Variants in ISLR observed in about 807,000 individuals in gnomAD.
ISLR encodes immunoglobulin superfamily containing leucine rich repeat, also known as immunoglobulin superfamily containing leucine-rich repeat protein.
Under a neutral mutation model 11.0 loss-of-function variants are expected in ISLR, and 9 were observed. The ratio of observed to expected loss-of-function variants is 0.82; its 90% CI spans 0.49 to 1.43. ISLR has a LOEUF of 1.43. ISLR is among the 40% of genes most tolerant of loss of function. ISLR has a pLI of 0.00. For missense variants in ISLR, 510 were observed against 576.4 expected, an observed-to-expected ratio of 0.88 and a Z score of 1.18; for synonymous variants, 262 against 264.1, an observed-to-expected ratio of 0.99 and a Z score of 0.08.
chr15:74,174,753 G>T, intron 1 of ISLR, 98 bp from the exon 2 acceptor site: 1 of 911,438 alleles, frequency 1.1e-6, no homozygotes, highest in South Asian at 1.9e-5. Context: ...GTGGGACAGG[G>T]CCTCCTGATG....
Position 74,175,246 on chromosome 15 carries a change from G to C in ISLR, c.388G>C (p.Asp130His). The C allele has an allele frequency of 1.2e-6, 2 of 1,613,302 alleles. No individual in the cohort carries two copies. The highest frequency in any genetic ancestry group is 1.7e-6 in the Non-Finnish European group (2 of 1,180,006). ...NLSALQLLKM[D>H]SNELTFIPRD... ...CAGTGCCCTCCAATTGCTCAAGATGGACAGCAACGAGCTGACCTTCATCCC... is the reference window on the plus strand; with the variant it reads ...CAGTGCCCTCCAATTGCTCAAGATGCACAGCAACGAGCTGACCTTCATCCC... Residue 130 changes from aspartate to histidine, a missense_variant, in exon 2 of 2, where the codon GAC becomes CAC. Coordinates refer to ENST00000249842, the MANE Select transcript of ISLR (RefSeq NM_005545.4). The surrounding 1 kb of genome is among the most constrained non-coding windows in gnomAD (Gnocchi z 4.7).
Position 74,175,200 on chromosome 15 carries a change from C to T in ISLR, c.342C>T (p.Ala114=). ...GCCACAATCTCATCTCTGACTTTGC[C>T]TGGAGCGACCTGCACAACCTCAGTG... ...DLSHNLISDF[A]WSDLHNLSAL... The change falls in exon 2 of 2, where the codon GCC becomes GCT. Residue 114 remains alanine (A), a synonymous_variant. Transcript: ENST00000249842. This position sits in a 1 kb window ranked among gnomAD's most constrained non-coding sequence, Gnocchi z 4.7. 1 of 1,613,470 alleles carries T rather than the reference C, an allele frequency of 6.2e-7. No homozygotes were observed. Among genetic ancestry groups the T allele is most frequent in the Non-Finnish European group, 8.5e-7 (1 of 1,180,018 alleles).
At position 74,174,902 on chromosome 15, in the gene ISLR, T is replaced by C. The variant is rs2072773347; in HGVS notation, c.44T>C (p.Leu15Pro). 1 of 1,555,074 alleles carries C rather than the reference T, an allele frequency of 6.4e-7. No individual in the cohort carries two copies. The highest frequency in any genetic ancestry group is 2.1e-5 in the Admixed American group (1 of 48,462). The change falls in exon 2 of 2, where the codon CTG becomes CCG. Residue 15 changes from leucine (L) to proline (P), a missense_variant. By Grantham distance (98) the Leu-to-Pro change is moderately conservative (BLOSUM62 -3). Transcript: ENST00000249842. ...HLLWWALLLG[L>P]AQACPEPCDC... ...CTCTGGTGGGCGCTTCTCCTGGGCC[T>C]GGCTCAGGCCTGCCCTGAGCCCTGC...
In ISLR at chr15:74,175,417, G is replaced by T. The variant is rs1171148538; in HGVS notation, c.559G>T (p.Gly187Cys). Residue 187 changes from glycine to cysteine, a missense_variant, in exon 2 of 2, where the codon GGC (glycine) becomes TGC (cysteine). Transcript: ENST00000249842. The surrounding 1 kb of genome is among the most constrained non-coding windows in gnomAD (Gnocchi z 4.7). ...INENPFDCTC[G>C]IVWLKTWALT... Reference sequence around the variant, plus strand: ...CGAGAACCCCTTCGACTGCACCTGCGGCATCGTGTGGCTCAAGACATGGGC... The same window carrying T: ...CGAGAACCCCTTCGACTGCACCTGCTGCATCGTGTGGCTCAAGACATGGGC... 6.2e-7 allele frequency: 1 copy of T among 1,612,142 alleles called. No individual in the cohort carries two copies. Among genetic ancestry groups the T allele is most frequent in the Non-Finnish European group, 8.5e-7 (1 of 1,179,996 alleles).
At chr15:74,174,824 C>G in intron 1 of ISLR, 27 bp from the exon 2 acceptor site, 1 of 1,494,002 alleles carries the variant, frequency 6.7e-7, no homozygotes, top group Non-Finnish European at 8.9e-7. Flanking sequence ...TCTCGGGATC[C>G]CCTGGGTGAC....
intron 1 of ISLR, chr15:74,174,553 T>C (rs953332039): frequency 1.9e-5 from 6 of 316,872 alleles, no homozygotes; most frequent in Non-Finnish European, 3.5e-5. Flanking sequence ...AGTCATAAAG[T>C]CAGCTAGGAA....
In ISLR at chr15:74,176,122, T is replaced by TGA. The variant is rs1595815209; in HGVS notation, c.1264_1265insGA (p.Phe422Ter). ...CCTGCTGGGCCAAAGCCTCCTCCTC[T>TGA]TCTTCTTCCTCACCTCCTTCTAGCC... ...LLLLGQSLLL[F>*]FFLTSF Residue 422 changes from phenylalanine (F) to a stop codon, truncating the protein, a stop_gained and frameshift_variant, in exon 2 of 2, where the codon TTC (phenylalanine) becomes TGATC (stop). Transcript: ENST00000249842. LOFTEE classifies it high-confidence loss of function. 6.4e-7 allele frequency: 1 copy of TGA among 1,559,270 alleles called. No homozygotes were observed. Among genetic ancestry groups the TGA allele is most frequent in the Middle Eastern group, 1.7e-4 (1 of 5,774 alleles).
rs776782168 is a variant in ISLR at position 74,175,122 on chromosome 15, G to A, written c.264G>A (p.Thr88=). ...GGCTGGCACACAATGAGATCCGCAC[G>A]GTGGCCGCCGGAGCCCTGGCCTCTC... ...SLWLAHNEIR[T]VAAGALASLS... Residue 88 remains threonine, a synonymous_variant, in exon 2 of 2, where the codon ACG becomes ACA. Coordinates refer to ENST00000249842, the MANE Select transcript of ISLR (RefSeq NM_005545.4). This position sits in a 1 kb window ranked among gnomAD's most constrained non-coding sequence, Gnocchi z 4.7. The A allele has an allele frequency of 5.2e-5, 83 of 1,610,514 alleles. No homozygotes were observed. Among genetic ancestry groups the A allele is most frequent in the Non-Finnish European group, 6.9e-5 (82 of 1,179,980 alleles).
rs774954559 is a variant in ISLR at position 74,176,118 on chromosome 15, C to A, written c.1260C>A (p.Leu420=). 1 of 1,564,026 alleles carries A rather than the reference C, an allele frequency of 6.4e-7. No homozygotes were observed. The highest frequency in any genetic ancestry group is 2.3e-5 in the East Asian group (1 of 44,392). ...PGLLLLGQSL[L]LFFFLTSF ...TGCTCCTGCTGGGCCAAAGCCTCCTCCTCTTCTTCTTCCTCACCTCCTTCT... is the reference window on the plus strand; with the variant it reads ...TGCTCCTGCTGGGCCAAAGCCTCCTACTCTTCTTCTTCCTCACCTCCTTCT... The change falls in exon 2 of 2, where the codon CTC becomes CTA. Residue 420 remains leucine (L), a synonymous_variant. Transcript: ENST00000249842.
rs369708223 is a variant in ISLR, at chr15:74,175,528, C to G, written c.670C>G (p.Leu224Val). 3 of 1,610,064 alleles carry G rather than the reference C, an allele frequency of 1.9e-6. No homozygotes were observed. The highest frequency in any genetic ancestry group is 1.3e-5 in the African/African-American group (1 of 74,924). Residue 224 changes from leucine (L) to valine (V), a missense_variant, in exon 2 of 2, where the codon CTG becomes GTG. Transcript: ENST00000249842. The surrounding 1 kb of genome is among the most constrained non-coding windows in gnomAD (Gnocchi z 4.7). ...HVLKGTPLSR[L>V]PPLPCSAPSV... ...GCTCAAGGGTACGCCGCTGAGCCGC[C>G]TGCCGCCACTGCCATGCTCGGCGCC...
rs1273396735 is a variant in ISLR, at chr15:74,176,072, C to A, written c.1214C>A (p.Pro405His). The A allele has an allele frequency of 6.2e-7, 1 of 1,607,486 alleles. No individual in the cohort carries two copies. The highest frequency in any genetic ancestry group is 8.5e-7 in the Non-Finnish European group (1 of 1,176,368). The change falls in exon 2 of 2, where the codon CCT becomes CAT. Residue 405 changes from proline to histidine, a missense_variant. Coordinates refer to ENST00000249842, the MANE Select transcript of ISLR (RefSeq NM_005545.4). ...NPEAAVAEGV[P>H]GQLPPGLLLL... is the part of the protein sequence containing the mutation. ...GAGGCTGCAGTCGCAGAAGGGGTCC[C>A]TGGGCAGCTGCCCCCAGGCCTGCTC...
At position 74,175,213 on chromosome 15, in the gene ISLR, C is replaced by A; in HGVS notation, c.355C>A (p.His119Asn). 1.9e-6 allele frequency: 3 copies of A among 1,613,532 alleles called. No individual in the cohort carries two copies. The highest frequency in any genetic ancestry group is 1.7e-6 in the Non-Finnish European group (2 of 1,180,010). Residue 119 changes from histidine to asparagine, a missense_variant, in exon 2 of 2, where the codon CAC (histidine) becomes AAC (asparagine). His to Asn is a moderately conservative substitution (Grantham distance 68). Transcript: ENST00000249842. This position sits in a 1 kb window ranked among gnomAD's most constrained non-coding sequence, Gnocchi z 4.7. ...LISDFAWSDL[H>N]NLSALQLLKM... ...CTCTGACTTTGCCTGGAGCGACCTG[C>A]ACAACCTCAGTGCCCTCCAATTGCT...
rs778922259 is a variant in ISLR, at chr15:74,175,456, G to A, written c.598G>A (p.Val200Met). 1.9e-6 allele frequency: 3 copies of A among 1,611,146 alleles called. No individual in the cohort carries two copies. The highest frequency in any genetic ancestry group is 1.1e-5 in the South Asian group (1 of 91,084). ...WLKTWALTTA[V>M]SIPEQDNIAC... ...CAAGACATGGGCCCTGACCACGGCC[G>A]TGTCCATCCCGGAGCAGGACAACAT... Residue 200 changes from valine to methionine, a missense_variant, in exon 2 of 2, where the codon GTG becomes ATG. By Grantham distance (21) the Val-to-Met change is conservative (BLOSUM62 1). Transcript: ENST00000249842. This position sits in a 1 kb window ranked among gnomAD's most constrained non-coding sequence, Gnocchi z 4.7.
Position 74,176,628 on chromosome 15 carries a change from G to GAT in ISLR, c.*483_*484insAT. On this transcript the variant is annotated 3_prime_UTR_variant, in exon 2 of 2. Coordinates refer to ENST00000249842, the MANE Select transcript of ISLR (RefSeq NM_005545.4). ...CTGAGGCTCCCTGGGGCCTGCTCAA[G>GAT]CTCCTCCTGCTCCTTGCTGTTTTCT... 5.8e-6 allele frequency: 1 copy of GAT among 173,018 alleles called. No individual in the cohort carries two copies. Among genetic ancestry groups the GAT allele is most frequent in the Non-Finnish European group, 1.4e-5 (1 of 72,462 alleles). The allele number at this position is 173,018 out of a possible 1,614,324, so 10.7% of individuals were successfully genotyped here.
rs2072785350 is a variant in ISLR, at chr15:74,175,606, G to C, written c.748G>C (p.Gly250Arg). ...CCAGGATGGTGCCGAGCTGCGGCCT[G>C]GTTTTGTGCTGGCACTGCACTGTGA... ...PSQDGAELRP[G>R]FVLALHCDVD... is the part of the protein sequence containing the mutation. Residue 250 changes from glycine to arginine, a missense_variant, in exon 2 of 2, where the codon GGT becomes CGT. Gly to Arg is a moderately radical substitution (Grantham distance 125, BLOSUM62 -2). Transcript: ENST00000249842. The surrounding 1 kb of genome is among the most constrained non-coding windows in gnomAD (Gnocchi z 4.7). The C allele has an allele frequency of 6.2e-7, 1 of 1,613,816 alleles. No homozygotes were observed. The highest frequency in any genetic ancestry group is 8.5e-7 in the Non-Finnish European group (1 of 1,179,992).
chr15:74,175,543 T>C lies in ISLR; in HGVS notation c.685T>C (p.Cys229Arg). 6.2e-7 allele frequency: 1 copy of C among 1,611,632 alleles called. No individual in the cohort carries two copies. Among genetic ancestry groups the C allele is most frequent in the Non-Finnish European group, 8.5e-7 (1 of 1,179,230 alleles). The change falls in exon 2 of 2, where the codon TGC becomes CGC. Residue 229 changes from cysteine (C) to arginine (R), a missense_variant. Cys to Arg is a radical substitution (Grantham distance 180). Coordinates refer to ENST00000249842, the MANE Select transcript of ISLR (RefSeq NM_005545.4). The surrounding 1 kb of genome is among the most constrained non-coding windows in gnomAD (Gnocchi z 4.7). ...TPLSRLPPLP[C>R]SAPSVQLSYQ... ...GCTGAGCCGCCTGCCGCCACTGCCA[T>C]GCTCGGCGCCCTCAGTGCAGCTCAG...
In ISLR at chr15:74,176,861, T is replaced by G. The variant is rs550687461; in HGVS notation, c.*716T>G. The G allele has an allele frequency of 8.7e-4, 145 of 167,254 alleles. 1 individual carries two copies. The highest frequency in any genetic ancestry group is 7.9e-3 in the South Asian group (38 of 4,828). 10.4% of individuals were successfully genotyped at this position (167,254 alleles called of 1,614,324 possible). ...GGGAGCAGCAGAGAAATAAACAGCA[T>G]TTCTGATGCCCCTCCGTGTCTGCCT... On this transcript the variant is annotated 3_prime_UTR_variant, in exon 2 of 2. Coordinates refer to ENST00000249842, the MANE Select transcript of ISLR (RefSeq NM_005545.4).
Position 74,176,014 on chromosome 15 carries a change from GTCA to G in ISLR, c.1162_1164del (p.Ile388del). 1 of 1,613,486 alleles carries G rather than the reference GTCA, an allele frequency of 6.2e-7. No individual in the cohort carries two copies. Among genetic ancestry groups the G allele is most frequent in the Non-Finnish European group, 8.5e-7 (1 of 1,179,646 alleles). On this transcript the variant is annotated inframe_deletion, in exon 2 of 2. Coordinates refer to ENST00000249842, the MANE Select transcript of ISLR (RefSeq NM_005545.4). The stretch of plus-strand genomic sequence containing the variant: ...GCCATCAGGGCCGGAGGACAATGTG[GTCA>G]TCATCTACCTCAGCCGTGCTGGGAA...
rs1250220314 is a variant in ISLR at position 74,176,183 on chromosome 15, T to TA, written c.*39dup. The TA allele has an allele frequency of 6.7e-7, 1 of 1,493,816 alleles. No homozygotes were observed. Among genetic ancestry groups the TA allele is most frequent in the Admixed American group, 2.2e-5 (1 of 45,116 alleles). The allele number at this position is 1,493,816 out of a possible 1,614,324, so 92.5% of individuals were successfully genotyped here. A position where few individuals can be genotyped will look rare whatever the true frequency, so the allele number is the denominator to read the frequency against. Reference sequence around the variant, plus strand: ...CTTCCCTAACTCCTCCCCTTGCCCCTACCAATGCCCCTTTAAGTGCTGCAG... The same window carrying TA: ...CTTCCCTAACTCCTCCCCTTGCCCCTAACCAATGCCCCTTTAAGTGCTGCAG... On this transcript the variant is annotated 3_prime_UTR_variant, in exon 2 of 2. Coordinates refer to ENST00000249842, the MANE Select transcript of ISLR (RefSeq NM_005545.4).
Sources: allele counts gnomAD v4.1 joint callset, GRCh38; gene constraint gnomAD v4.1.1; non-coding constraint Gnocchi (gnomAD v3.1); transcripts MANE v1.5; gene names NCBI Gene and HGNC (gene_info 2026-07-23, HGNC 2026-07-21).